The following CCSER1 variants were observed in gnomAD, a reference collection of about 807,000 sequenced individuals.
CCSER1 encodes serine-rich coiled-coil domain-containing protein 1.
Under a neutral mutation model 82.0 loss-of-function variants are expected in CCSER1, and 41 were observed. That is an observed-to-expected ratio of 0.50 (90% confidence interval 0.39 to 0.65). The LOEUF (loss-of-function observed/expected upper bound fraction) is 0.65, where lower values mean the gene tolerates loss of function less well. CCSER1 is among the 30% of genes least tolerant of loss of function. The probability of loss-of-function intolerance (pLI) is 0.00; values close to 1 mark genes in which losing one functional copy is unlikely to be tolerated. For synonymous variants in CCSER1, 414 were observed against 383.9 expected, an observed-to-expected ratio of 1.08 and a Z score of -0.92; for missense variants, 1,119 against 1,064.2, an observed-to-expected ratio of 1.05 and a Z score of -0.72.
At chr4:91,446,609 A>T (rs1358862015) in intron 10 of CCSER1, among the ~76,000 whole-genome samples, 1 of 148,618 alleles carries the variant, frequency 6.7e-6, no homozygotes, top group East Asian at 2.0e-4. Flanking sequence ...GCATCTTTGT[A>T]TGTAGTAATG....
intron 5 of CCSER1, among the ~76,000 whole-genome samples, chr4:90,483,700 C>T (rs887907655): frequency 4.6e-5 from 7 of 152,124 alleles, no homozygotes; most frequent in Admixed American, 1.3e-4. Context: ...GAATATTGGC[C>T]CCCACTCTCT....
At chr4:91,480,597 G>A (rs1307806384) in intron 10 of CCSER1, among the ~76,000 whole-genome samples, 2 of 152,162 alleles carry the variant, frequency 1.3e-5, no homozygotes, top group East Asian at 3.9e-4. Context: ...AATGTTTCAT[G>A]TTTATGCACT....
rs899596910 is a variant in CCSER1 at position 91,116,208 on chromosome 4, T to G, written c.2217+30214T>G. Among the ~76,000 whole-genome samples, 3 of 152,144 alleles carry G rather than the reference T, an allele frequency of 2.0e-5. No homozygotes were observed. The South Asian group carries it at 6.2e-4, about 32-fold the overall frequency. On this transcript the variant is annotated intron_variant, in intron 10 of 10. Transcript: ENST00000509176. Reference sequence around the variant, plus strand: ...ACAATGATAGACTGGATTAAGAAAATGTGGCACATACACACCATGGAATAC... The same window carrying G: ...ACAATGATAGACTGGATTAAGAAAAGGTGGCACATACACACCATGGAATAC...
intron 10 of CCSER1, among the ~76,000 whole-genome samples, chr4:91,360,501 G>A (rs1332844340): frequency 6.6e-6 from 1 of 151,774 alleles, no homozygotes; most frequent in Admixed American, 6.6e-5. Flanking sequence ...TTTAATGATT[G>A]TAGTAGACAT....
chr4:90,948,712 T>C (rs1237945745), intron 9 of CCSER1, among the ~76,000 whole-genome samples: 1 of 152,046 alleles, frequency 6.6e-6, no homozygotes, highest in East Asian at 1.9e-4. Flanking sequence ...TTGTAAAAAA[T>C]AGAATTAGGT....
intron 5 of CCSER1, among the ~76,000 whole-genome samples, chr4:90,471,498 G>A (rs1764390474): frequency 6.6e-6 from 1 of 151,828 alleles, no homozygotes; most frequent in Non-Finnish European, 1.5e-5. Context: ...TTTTAATATG[G>A]GAGATACTTT....
chr4:90,461,230 T>C (rs990792073), intron 4 of CCSER1, among the ~76,000 whole-genome samples: 10 of 139,086 alleles, frequency 7.2e-5, no homozygotes, highest in Non-Finnish European at 1.2e-4. Context: ...TACGCCCGGC[T>C]AATTTTTTGT....
chr4:90,446,031 A>G (rs1387249392), intron 4 of CCSER1, among the ~76,000 whole-genome samples: 1 of 152,152 alleles, frequency 6.6e-6, no homozygotes, highest in Non-Finnish European at 1.5e-5. Flanking sequence ...AGCCTATGCA[A>G]TTGTACTCCC....
At chr4:91,150,314 T>C (rs1284723305) in intron 10 of CCSER1, among the ~76,000 whole-genome samples, 4 of 152,222 alleles carry the variant, frequency 2.6e-5, no homozygotes, top group African/African-American at 9.6e-5. Context: ...GCCTGTGATT[T>C]TTGCACATTG....
chr4:91,494,042 T>C (rs1758687076), intron 10 of CCSER1, among the ~76,000 whole-genome samples: 1 of 151,796 alleles, frequency 6.6e-6, no homozygotes, highest in Non-Finnish European at 1.5e-5. Flanking sequence ...CTTTACAAAA[T>C]GAAATGGGGG....
chr4:90,673,747 C>A (rs955073879), intron 6 of CCSER1, among the ~76,000 whole-genome samples: 1 of 151,952 alleles, frequency 6.6e-6, no homozygotes, highest in African/African-American at 2.4e-5. Context: ...ATTGCAAAAA[C>A]AGCAACTTTG....
chr4:90,363,352 T>C (rs1403135606), intron 3 of CCSER1, among the ~76,000 whole-genome samples: 7 of 152,192 alleles, frequency 4.6e-5, no homozygotes, highest in Admixed American at 4.6e-4. Flanking sequence ...TGTTTTTCTT[T>C]CATTTTTGCA....
chr4:91,534,005 A>G (rs963590947), intron 10 of CCSER1, among the ~76,000 whole-genome samples: 4 of 152,086 alleles, frequency 2.6e-5, no homozygotes, highest in Non-Finnish European at 5.9e-5. Flanking sequence ...TGCTTCATAT[A>G]AAGAATGCTT....
chr4:91,412,704 A>G (rs1753130138), intron 10 of CCSER1, among the ~76,000 whole-genome samples: 2 of 152,122 alleles, frequency 1.3e-5, no homozygotes, highest in Admixed American at 6.6e-5. Context: ...CATCCCAGAT[A>G]CCAAACAGGA....
At chr4:91,515,151 G>C (rs1416849449) in intron 10 of CCSER1, among the ~76,000 whole-genome samples, 4 of 151,970 alleles carry the variant, frequency 2.6e-5, no homozygotes, top group Admixed American at 2.6e-4. Context: ...TTGTATCTTT[G>C]AATCTAAGGG....
chr4:91,508,411 T>G lies in CCSER1; in HGVS notation c.2218-90161T>G, dbSNP rs995658388. On this transcript the variant is annotated intron_variant, in intron 10 of 10. Coordinates refer to ENST00000509176, the MANE Select transcript of CCSER1 (RefSeq NM_001145065.2). ...TTAATATGGTATTACATGAATGGAA[T>G]TTTGTATTTTAGAAAATTTTTACAT... Among the ~76,000 whole-genome samples, 4 of 151,970 alleles carry G rather than the reference T, an allele frequency of 2.6e-5. No individual in the cohort carries two copies. In the East Asian group the frequency reaches 5.8e-4, roughly 22 times the overall value.
At chr4:91,537,721 A>C (rs1252722065) in intron 10 of CCSER1, among the ~76,000 whole-genome samples, 2 of 152,012 alleles carry the variant, frequency 1.3e-5, no homozygotes, top group Non-Finnish European at 2.9e-5. Context: ...CTAAATAATG[A>C]CTTAAAAAAA....
chr4:91,536,169 A>G (rs1761283912), intron 10 of CCSER1, among the ~76,000 whole-genome samples: 1 of 152,158 alleles, frequency 6.6e-6, no homozygotes. Flanking sequence ...CAGTTGTCAG[A>G]ATAAATACTT....
intron 5 of CCSER1, among the ~76,000 whole-genome samples, chr4:90,562,384 A>G (rs1457981291): frequency 1.3e-5 from 2 of 152,064 alleles, no homozygotes; most frequent in Admixed American, 1.3e-4. Flanking sequence ...CTGATTCTGA[A>G]TATTCCATAT....
Sources: allele counts gnomAD v4.1 joint callset (sites outside exome capture counted in the v4.1 genomes callset), GRCh38; gene constraint gnomAD v4.1.1; transcripts MANE v1.5; gene names NCBI Gene and HGNC (gene_info 2026-07-23, HGNC 2026-07-21).